The following SHBG variants were observed in gnomAD, a reference collection of about 807,000 sequenced individuals.
The protein encoded by SHBG is sex hormone-binding globulin.
A neutral mutation model predicts 41.9 loss-of-function variants in SHBG; 37 were observed. The observed-to-expected ratio is 0.88, with a 90% CI of 0.68 to 1.16. The LOEUF (loss-of-function observed/expected upper bound fraction) is 1.16. SHBG is among the 50% of genes most tolerant of loss of function. The pLI, the probability that SHBG is intolerant of heterozygous loss-of-function variation, is 0.00. For synonymous variants in SHBG, 217 were observed against 205.8 expected, an observed-to-expected ratio of 1.05 and a Z score of -0.47; for missense variants, 466 against 499.9, an observed-to-expected ratio of 0.93 and a Z score of 0.65.
intron 1 of SHBG, among the ~76,000 whole-genome samples, chr17:7,615,218 G>C (rs1249847074): frequency 6.6e-6 from 1 of 151,948 alleles, no homozygotes; most frequent in Non-Finnish European, 1.5e-5. Flanking sequence ...ACAGCGCTCA[G>C]GCCACACCCA....
At chr17:7,628,383 C>T (rs1340046044), upstream of SHBG, among the ~76,000 whole-genome samples, 1 of 152,188 alleles carries the variant, frequency 6.6e-6, no homozygotes, top group African/African-American at 2.4e-5. Flanking sequence ...CCTGTCTCAG[C>T]CTCCGGAGTA....
chr17:7,621,630 T>C (rs1442986472), intron 1 of SHBG, among the ~76,000 whole-genome samples: 1 of 141,356 alleles, frequency 7.1e-6, no homozygotes, highest in Non-Finnish European at 1.5e-5. Context: ...AAAAACCAGC[T>C]GCATAAACTG....
In SHBG at chr17:7,631,746, G is replaced by A. The variant is rs1007133691; in HGVS notation, c.713G>A (p.Arg238Gln). The A allele has an allele frequency of 8.1e-6, 13 of 1,613,890 alleles. No homozygotes were observed. The Middle Eastern group carries it at 4.9e-4, about 61-fold the overall frequency. Residue 238 changes from arginine (R) to glutamine (Q), a missense_variant and splice_region_variant, in exon 5 of 8, where the codon CGA becomes CAA. Coordinates refer to ENST00000380450, the MANE Select transcript of SHBG (RefSeq NM_001040.5). ...PPGTQAEFNL[R>Q]DIPQPHAEPW... Reference sequence around the variant, plus strand: ...GGGACTCAGGCAGAATTCAATCTCCGAGGTAGATTTCCTCGGAGTCTATTT... The same window carrying A: ...GGGACTCAGGCAGAATTCAATCTCCAAGGTAGATTTCCTCGGAGTCTATTT...
intron 1 of SHBG, chr17:7,614,850 G>A (rs2071935151): frequency 1.2e-5 from 2 of 163,366 alleles, no homozygotes; most frequent in African/African-American, 4.8e-5. Flanking sequence ...CGCTGCTGCC[G>A]CTGCCGCTCC....
Position 7,630,696 on chromosome 17 carries a change from G to C in SHBG, c.220G>C (p.Glu74Gln), listed in dbSNP as rs930198574. ...TCCTTCCAGAACCTCCTCCTCCTTTGAGGTTCGAACCTGGGACCCAGAGGG... is the reference window on the plus strand; with the variant it reads ...TCCTTCCAGAACCTCCTCCTCCTTTCAGGTTCGAACCTGGGACCCAGAGGG... Reference protein sequence around the residue: ...TKITKTSSSFEVRTWDPEGVI... With the variant: ...TKITKTSSSFQVRTWDPEGVI... The change falls in exon 3 of 8, where the codon GAG becomes CAG. Residue 74 changes from glutamate to glutamine, a missense_variant. Physicochemically the swap from Glu to Gln is conservative, Grantham distance 29 (BLOSUM62 2). Transcript: ENST00000380450. The surrounding 1 kb of genome is among the most constrained non-coding windows in gnomAD (Gnocchi z 4.6). The C allele has an allele frequency of 4.3e-6, 7 of 1,614,010 alleles. No homozygotes were observed. Among genetic ancestry groups the C allele is most frequent in the Middle Eastern group, 1.6e-4 (1 of 6,062 alleles).
chr17:7,628,188 C>T, upstream of SHBG: 1 of 456,300 alleles, frequency 2.2e-6, no homozygotes, highest in South Asian at 1.6e-5. Context: ...AAGCTGTTTC[C>T]TGCAGCTCTT....
upstream of SHBG, chr17:7,627,438 G>C (rs1017638401): frequency 6.2e-6 from 10 of 1,613,812 alleles, no homozygotes. This position sits in a 1 kb window ranked among gnomAD's most constrained non-coding sequence, Gnocchi z 4.8. Context: ...ACGGAAGCTA[G>C]ATTAGAGCAG....
At chr17:7,623,764 AT>A (rs1013086129), upstream of SHBG, among the ~76,000 whole-genome samples, 8 of 148,984 alleles carry the variant, frequency 5.4e-5, no homozygotes, top group Non-Finnish European at 7.5e-5. Context: ...CCAACCTATT[AT>A]TTTTTTTTTG....
upstream of SHBG, among the ~76,000 whole-genome samples, chr17:7,625,052 C>T (rs1322547573): frequency 1.3e-5 from 2 of 149,220 alleles, no homozygotes; most frequent in Non-Finnish European, 3.0e-5. Context: ...CAGGTTCAAG[C>T]GATTCTCCTG....
Position 7,633,360 on chromosome 17 carries a change from C to T in SHBG, c.*8C>T. ...ACTGACGCTTCCCATTAAAGCTCCA[C>T]CTAAGAACCCCCTTTGAAAGTTACT... is the stretch of plus-strand genomic sequence containing the variant. On this transcript the variant is annotated 3_prime_UTR_variant, in exon 8 of 8. Coordinates refer to ENST00000380450, the MANE Select transcript of SHBG (RefSeq NM_001040.5). 6.2e-7 allele frequency: 1 copy of T among 1,612,730 alleles called. No homozygotes were observed. The highest frequency in any genetic ancestry group is 1.1e-5 in the South Asian group (1 of 90,874).
chr17:7,625,570 C>G (rs1410698501), upstream of SHBG, among the ~76,000 whole-genome samples: 1 of 150,708 alleles, frequency 6.6e-6, no homozygotes, highest in Non-Finnish European at 1.5e-5. Flanking sequence ...GAGCGAGACT[C>G]TGTCTCAAAA....
chr17:7,628,366 C>T (rs1205064717), upstream of SHBG, among the ~76,000 whole-genome samples: 2 of 152,214 alleles, frequency 1.3e-5, no homozygotes, highest in East Asian at 3.9e-4. Context: ...CGAGTTCAAG[C>T]GATCCTCCTG....
chr17:7,614,527 G>T (rs2071923152), intron 1 of SHBG: 10 of 1,484,798 alleles, frequency 6.7e-6, no homozygotes, highest in South Asian at 1.3e-5. Flanking sequence ...AGGCCAGGCC[G>T]CCCATGGCGC....
chr17:7,630,921 A>G lies in SHBG; in HGVS notation c.393+52A>G. Reference sequence around the variant, plus strand: ...GGGATGTCTGGAGCTGGTCTGAGGAAAGGGAACAAAACCAAGTTATTGGGC... The same window carrying G: ...GGGATGTCTGGAGCTGGTCTGAGGAGAGGGAACAAAACCAAGTTATTGGGC... On this transcript the variant is annotated intron_variant, in intron 3 of 7. Transcript: ENST00000380450. This position sits in a 1 kb window ranked among gnomAD's most constrained non-coding sequence, Gnocchi z 4.6. 1 of 1,554,924 alleles carries G rather than the reference A, an allele frequency of 6.4e-7. No individual in the cohort carries two copies. The highest frequency in any genetic ancestry group is 1.4e-5 in the African/African-American group (1 of 73,842).
At chr17:7,626,890 TG>T, upstream of SHBG, 3 of 1,599,298 alleles carry the variant, frequency 1.9e-6, no homozygotes, top group Non-Finnish European at 2.6e-6. Context: ...GGGATAACAG[TG>T]GGGTCTGTGG....
upstream of SHBG, chr17:7,627,898 G>T (rs1471899283): frequency 3.3e-6 from 2 of 610,558 alleles, no homozygotes; most frequent in African/African-American, 1.8e-5. The surrounding 1 kb of genome is among the most constrained non-coding windows in gnomAD (Gnocchi z 4.8). Flanking sequence ...GGGCACAACT[G>T]TCAGCCAATC....
At chr17:7,626,520 T>C (rs779397444), upstream of SHBG, 5 of 1,614,046 alleles carry the variant, frequency 3.1e-6, no homozygotes, top group African/African-American at 2.7e-5. Flanking sequence ...TTCCGTCAGA[T>C]CTTGGGCTCC....
chr17:7,622,382 G>A (rs1819901568), intron 1 of SHBG, among the ~76,000 whole-genome samples: 1 of 149,826 alleles, frequency 6.7e-6, no homozygotes, highest in Non-Finnish European at 1.5e-5. Flanking sequence ...AAGCAATTCT[G>A]CTGCCTCAGC....
chr17:7,633,018 C>A (rs1026158737), intron 7 of SHBG, 59 bp downstream of exon 7: 2 of 1,521,766 alleles, frequency 1.3e-6, no homozygotes, highest in Admixed American at 1.7e-5. Context: ...TCAAGGGAGG[C>A]GGCACATTTT....
Sources: gnomAD v4.1 joint callset for allele counts (sites outside exome capture counted in the v4.1 genomes callset) on GRCh38, gnomAD v4.1.1 for gene constraint, Gnocchi (gnomAD v3.1) non-coding constraint, MANE v1.5 for transcripts, NCBI Gene and HGNC (gene_info 2026-07-23, HGNC 2026-07-21) for gene names.